CWC27: variants seen among roughly 807,000 people sequenced by gnomAD.
CWC27 encodes CWC27 spliceosome associated cyclophilin, also known as spliceosome-associated protein CWC27 homolog.
Under a neutral mutation model 63.6 loss-of-function variants are expected in CWC27, and 47 were observed. The ratio of observed to expected loss-of-function variants is 0.74; its 90% CI spans 0.58 to 0.94. CWC27 has a LOEUF of 0.94. Ranked by LOEUF, CWC27 falls within the 40% of genes least tolerant of loss-of-function variation. The pLI, the probability that CWC27 is intolerant of heterozygous loss-of-function variation, is 0.00. For missense variants in CWC27, 495 were observed against 554.3 expected, an observed-to-expected ratio of 0.89 and a Z score of 1.07; for synonymous variants, 175 against 179.8, an observed-to-expected ratio of 0.97 and a Z score of 0.22.
chr5:64,794,351 T>C (rs1371769919), intron 7 of CWC27, among the ~76,000 whole-genome samples: 4 of 152,166 alleles, frequency 2.6e-5, no homozygotes, highest in African/African-American at 9.6e-5. Flanking sequence ...CAATTTGAAC[T>C]AGTAATTTGA....
chr5:64,929,244 C>T (rs910616454), intron 11 of CWC27, among the ~76,000 whole-genome samples: 2 of 152,092 alleles, frequency 1.3e-5, no homozygotes, highest in Non-Finnish European at 2.9e-5. Flanking sequence ...GAATCAGTGG[C>T]AATGAGTACA....
At chr5:64,912,473 A>AT (rs1387741074) in intron 11 of CWC27, among the ~76,000 whole-genome samples, 4 of 152,062 alleles carry the variant, frequency 2.6e-5, no homozygotes, top group African/African-American at 7.2e-5. Context: ...CTTTTAAGAA[A>AT]TTTTTTTTAT....
At chr5:64,829,119 G>A (rs552134601) in intron 10 of CWC27, among the ~76,000 whole-genome samples, 70 of 152,248 alleles carry the variant, frequency 4.6e-4, no homozygotes, top group African/African-American at 1.7e-3. Context: ...TAGTTAGATT[G>A]CTAATGTCAT....
intron 11 of CWC27, among the ~76,000 whole-genome samples, chr5:64,946,751 A>G (rs1016758592): frequency 6.6e-5 from 10 of 152,102 alleles, no homozygotes; most frequent in Non-Finnish European, 1.3e-4. Context: ...CTGTAATTAG[A>G]CAATTTCTTT....
At chr5:64,877,824 G>C (rs566341951) in intron 10 of CWC27, among the ~76,000 whole-genome samples, 20 of 151,518 alleles carry the variant, frequency 1.3e-4, no homozygotes, top group Non-Finnish European at 3.0e-4. Context: ...TCAGTGTCAT[G>C]TTGATAATTC....
intron 11 of CWC27, among the ~76,000 whole-genome samples, chr5:64,957,380 G>A (rs368375040): frequency 5.3e-5 from 8 of 152,050 alleles, no homozygotes; most frequent in Admixed American, 6.6e-5. Flanking sequence ...AATGGCCATC[G>A]AGCTACAAGA....
chr5:64,967,701 G>A (rs1437670831), intron 11 of CWC27, among the ~76,000 whole-genome samples: 3 of 151,720 alleles, frequency 2.0e-5, no homozygotes, highest in African/African-American at 4.8e-5. Context: ...TATAATATTG[G>A]AACACTTGAT....
intron 10 of CWC27, among the ~76,000 whole-genome samples, chr5:64,883,990 C>G (rs1217053629): frequency 2.0e-5 from 3 of 152,134 alleles, no homozygotes; most frequent in African/African-American, 7.2e-5. Flanking sequence ...GGGCAAATTT[C>G]CAGGCAACAT....
At chr5:64,810,495 A>G (rs1475823192) in intron 10 of CWC27, among the ~76,000 whole-genome samples, 2 of 152,122 alleles carry the variant, frequency 1.3e-5, no homozygotes, top group Admixed American at 1.3e-4. Context: ...TAGTATGGAC[A>G]TTTTAATATT....
At position 64,937,099 on chromosome 5, in the gene CWC27, C is replaced by T. The variant is rs182832590; in HGVS notation, c.1043-34604C>T. Among the ~76,000 whole-genome samples, 229 of 152,178 alleles carry T rather than the reference C, an allele frequency of 1.5e-3. 1 individual carries two copies. Among genetic ancestry groups the T allele is most frequent in the Non-Finnish European group, 2.7e-3 (182 of 67,980 alleles). On this transcript the variant is annotated intron_variant, in intron 11 of 13. Transcript: ENST00000381070. Reference sequence around the variant, plus strand: ...GGGTTTTTTGTGTCTCTATCTCTTTCAGTTCTACTCTGATCTTAGTTATTT... The same window carrying T: ...GGGTTTTTTGTGTCTCTATCTCTTTTAGTTCTACTCTGATCTTAGTTATTT...
At chr5:64,776,830 G>T (rs1743473430) in intron 2 of CWC27, among the ~76,000 whole-genome samples, 1 of 152,026 alleles carries the variant, frequency 6.6e-6, no homozygotes, top group South Asian at 2.1e-4. Context: ...GAACAAGTAA[G>T]AGCGCAGTCT....
At chr5:64,813,981 G>A (rs1744957722) in intron 10 of CWC27, among the ~76,000 whole-genome samples, 1 of 151,880 alleles carries the variant, frequency 6.6e-6, no homozygotes, top group South Asian at 2.1e-4. Flanking sequence ...TCCAACCCGT[G>A]GCCCATGGGT....
At chr5:64,869,971 T>C (rs1746626336) in intron 10 of CWC27, among the ~76,000 whole-genome samples, 1 of 151,954 alleles carries the variant, frequency 6.6e-6, no homozygotes. Context: ...CCATGGCTCT[T>C]AGGATGGGGA....
intron 11 of CWC27, among the ~76,000 whole-genome samples, chr5:64,937,773 G>C (rs1440975990): frequency 6.6e-6 from 1 of 152,088 alleles, no homozygotes; most frequent in Non-Finnish European, 1.5e-5. Flanking sequence ...AAATCTGGGT[G>C]CTCCTGTATT....
intron 11 of CWC27, among the ~76,000 whole-genome samples, chr5:64,890,383 G>A (rs1181804314): frequency 1.3e-5 from 2 of 152,092 alleles, no homozygotes; most frequent in East Asian, 3.9e-4. Flanking sequence ...CTTTTCATCT[G>A]GGTAATATAT....
chr5:64,900,350 T>C (rs998898121), intron 11 of CWC27, among the ~76,000 whole-genome samples: 2 of 152,348 alleles, frequency 1.3e-5, no homozygotes, highest in South Asian at 2.1e-4. Flanking sequence ...TTGTCATCCG[T>C]ATATATTCTT....
At position 64,878,470 on chromosome 5, in the gene CWC27, TAAAAAAAAAAAAAAAA is replaced by T. The variant is rs397998002; in HGVS notation, c.939-6958_939-6943del. On this transcript the variant is annotated intron_variant, in intron 10 of 13. Transcript: ENST00000381070. ...GTCAGCACTGTCCTGGGTTACAGATTAAAAAAAAAAAAAAAAAAAAAAAAAAAAAAGCACCTGTTAG... is the reference window on the plus strand; with the variant it reads ...GTCAGCACTGTCCTGGGTTACAGATTAAAAAAAAAAAAAAGCACCTGTTAG... 3.7e-4 allele frequency among the ~76,000 whole-genome samples: 10 copies of T among 26,936 alleles called. 1 individual carries two copies. The South Asian group carries it at 8.3e-3, about 22-fold the overall frequency. 17.7% of individuals were successfully genotyped at this position (26,936 alleles called of 152,430 possible).
At chr5:64,811,892 G>A (rs1019674867) in intron 10 of CWC27, among the ~76,000 whole-genome samples, 1 of 152,006 alleles carries the variant, frequency 6.6e-6, no homozygotes, top group Admixed American at 6.6e-5. Context: ...CTAAGGTCTG[G>A]ATGAACACCT....
intron 7 of CWC27, among the ~76,000 whole-genome samples, chr5:64,794,037 T>A (rs1001904332): frequency 2.6e-5 from 4 of 152,182 alleles, no homozygotes; most frequent in African/African-American, 9.6e-5. Context: ...ATAAAATCTC[T>A]TAGAATCATA....
Sources: gnomAD v4.1 joint callset for allele counts (sites outside exome capture counted in the v4.1 genomes callset) on GRCh38, gnomAD v4.1.1 for gene constraint, MANE v1.5 for transcripts, NCBI Gene and HGNC (gene_info 2026-07-23, HGNC 2026-07-21) for gene names.